ZDHHC11B: variants seen among roughly 807,000 people sequenced by gnomAD.
ZDHHC11B encodes the protein zDHHC palmitoyltransferase 11B (putative).
Under a neutral mutation model 42.3 loss-of-function variants are expected in ZDHHC11B, and 17 were observed. That is an observed-to-expected ratio of 0.40 (90% CI 0.27 to 0.60). The LOEUF is 0.60. Ranked by LOEUF, ZDHHC11B falls within the 20% of genes least tolerant of loss-of-function variation. The pLI is 0.41. For synonymous variants in ZDHHC11B, 123 were observed against 193.5 expected (o/e 0.64, Z 3.02); for missense variants, 262 against 463.2 (o/e 0.57, Z 3.99).
intron 1 of ZDHHC11B, among the ~76,000 whole-genome samples, chr5:773,833 C>T (rs1288335663): frequency 6.6e-6 from 1 of 151,816 alleles, no homozygotes; most frequent in Non-Finnish European, 1.5e-5. Context: ...CTCCCACACA[C>T]CTGCAGCACC....
In ZDHHC11B at chr5:775,637, A is replaced by G. The variant is rs1365619971; in HGVS notation, c.-229-6707T>C. Among the ~76,000 whole-genome samples the G allele has an allele frequency of 4.0e-5, 6 of 151,042 alleles. 1 individual carries two copies. The highest frequency in any genetic ancestry group is 4.2e-4 in the South Asian group (2 of 4,796). ...GAGAACTCCCTGTTCAGGGATGACA[A>G]TGGGTTCCCTGGTGATTTGGAGGCC... is the stretch of plus-strand genomic sequence containing the variant. On this transcript the variant is annotated intron_variant, in intron 1 of 13. Transcript: ENST00000508859.
intron 4 of ZDHHC11B, among the ~76,000 whole-genome samples, chr5:756,868 C>A (rs1354662185): frequency 1.4e-4 from 21 of 151,664 alleles, no homozygotes; most frequent in African/African-American, 5.1e-4. Flanking sequence ...CCCCTAGACT[C>A]ATTCAGGGAC....
chr5:776,347 T>C (rs1398832920), intron 1 of ZDHHC11B, among the ~76,000 whole-genome samples: 3 of 151,820 alleles, frequency 2.0e-5, no homozygotes, highest in Admixed American at 2.0e-4. Context: ...CAGTGCTCCA[T>C]CATGACCTGG....
In ZDHHC11B at chr5:733,883, G is replaced by T. The variant is rs4247710; in HGVS notation, c.936-44C>A. The T allele has an allele frequency of 2.2e-5, 34 of 1,520,290 alleles. 2 individuals carry two copies. The highest frequency in any genetic ancestry group is 9.6e-5 in the East Asian group (4 of 41,874). The allele number at this position is 1,520,290 out of a possible 1,614,324, so 94.2% of individuals were successfully genotyped here. Reference sequence around the variant, plus strand: ...GGAGAGAAACTCATCTCAGCTTTGTGGGGGGGCTCAGGGTGGCACTGGAGG... The same window carrying T: ...GGAGAGAAACTCATCTCAGCTTTGTTGGGGGGCTCAGGGTGGCACTGGAGG... On this transcript the variant is annotated intron_variant, in intron 10 of 13. Transcript: ENST00000508859.
At chr5:730,608 G>C in intron 11 of ZDHHC11B, 140 bp from the exon 12 acceptor site, 1 of 957,530 alleles carries the variant, frequency 1.0e-6, no homozygotes, top group Non-Finnish European at 1.5e-6. Flanking sequence ...CATGGAATAG[G>C]ATCTCAGTGG....
chr5:765,584 G>C (rs560111327), intron 4 of ZDHHC11B, among the ~76,000 whole-genome samples: 1 of 151,928 alleles, frequency 6.6e-6, no homozygotes, highest in East Asian at 1.9e-4. Flanking sequence ...GGCTGCTCAA[G>C]CCAGTAGCAG....
intron 12 of ZDHHC11B, among the ~76,000 whole-genome samples, chr5:722,689 A>G (rs958300054): frequency 6.6e-6 from 1 of 151,714 alleles, no homozygotes; most frequent in Admixed American, 6.6e-5. Context: ...CCTGTACAAC[A>G]GGAGATCTGT....
At chr5:717,289 C>T (rs568374258) in intron 12 of ZDHHC11B, among the ~76,000 whole-genome samples, 2 of 151,040 alleles carry the variant, frequency 1.3e-5, no homozygotes, top group Non-Finnish European at 2.9e-5. Flanking sequence ...TGTTTTTATA[C>T]CCACATCTTG....
At chr5:773,801 C>T (rs534609632) in intron 1 of ZDHHC11B, among the ~76,000 whole-genome samples, 62 of 151,758 alleles carry the variant, frequency 4.1e-4, no homozygotes, top group African/African-American at 1.4e-3. Flanking sequence ...CCAGGACCTG[C>T]TTGGAGACTG....
intron 1 of ZDHHC11B, among the ~76,000 whole-genome samples, chr5:778,131 G>C (rs1252092788): frequency 6.6e-6 from 1 of 151,902 alleles, no homozygotes; most frequent in Non-Finnish European, 1.5e-5. Context: ...GGTCTGAGAT[G>C]GCTGTCCAAG....
In ZDHHC11B at chr5:766,768, C is replaced by G; in HGVS notation, c.152G>C (p.Gly51Ala). 6.2e-7 allele frequency: 1 copy of G among 1,612,488 alleles called. No homozygotes were observed. Among genetic ancestry groups the G allele is most frequent in the Non-Finnish European group, 8.5e-7 (1 of 1,179,192 alleles). Reference protein sequence around the residue: ...FRVVTWAVFVGLSLATFRIFI... With the variant: ...FRVVTWAVFVALSLATFRIFI... ...GATCCTGAAGGTGGCCAAGGAAAGG[C>G]CAACGAAGACAGCCCAAGTCACCAC... The change falls in exon 4 of 14, where the codon GGC (glycine) becomes GCC (alanine). Residue 51 changes from glycine (G) to alanine (A), a missense_variant. Coordinates refer to ENST00000508859, the MANE Select transcript of ZDHHC11B (RefSeq NM_001351303.2).
At chr5:720,271 C>G (rs529725868) in intron 12 of ZDHHC11B, among the ~76,000 whole-genome samples, 11 of 151,860 alleles carry the variant, frequency 7.2e-5, no homozygotes, top group African/African-American at 2.4e-4. Flanking sequence ...TGAAGGCAGG[C>G]AGAGAGAAGT....
chr5:751,909 G>C (rs1292145823), intron 6 of ZDHHC11B, among the ~76,000 whole-genome samples: 5 of 119,182 alleles, frequency 4.2e-5, no homozygotes, highest in African/African-American at 1.1e-4. Flanking sequence ...CCCTTTTCAC[G>C]AGTGGGGAAA....
intron 1 of ZDHHC11B, among the ~76,000 whole-genome samples, chr5:775,787 C>T (rs1736424182): frequency 6.6e-6 from 1 of 151,722 alleles, no homozygotes; most frequent in Non-Finnish European, 1.5e-5. Context: ...CCAACCCCTT[C>T]CTTCCATGCC....
intron 12 of ZDHHC11B, among the ~76,000 whole-genome samples, chr5:720,015 G>C (rs961331895): frequency 4.0e-5 from 6 of 151,734 alleles, no homozygotes; most frequent in Non-Finnish European, 8.8e-5. Flanking sequence ...GTGTATACAG[G>C]GTTTGGTACT....
At chr5:756,379 C>T (rs1252077149) in intron 4 of ZDHHC11B, among the ~76,000 whole-genome samples, 1 of 151,710 alleles carries the variant, frequency 6.6e-6, no homozygotes, top group African/African-American at 2.4e-5. Context: ...CTCACCCAGC[C>T]CCGTCCACTC....
intron 4 of ZDHHC11B, among the ~76,000 whole-genome samples, chr5:765,447 G>A (rs1439924911): frequency 6.6e-6 from 1 of 151,910 alleles, no homozygotes; most frequent in Admixed American, 6.6e-5. Flanking sequence ...CTTAGGGGTT[G>A]TAAACACACC....
intron 11 of ZDHHC11B, among the ~76,000 whole-genome samples, chr5:731,802 G>A (rs1401113653): frequency 3.3e-5 from 5 of 151,844 alleles, no homozygotes; most frequent in Non-Finnish European, 7.4e-5. Flanking sequence ...TAGGATTTTT[G>A]TAGGAATGTT....
intron 9 of ZDHHC11B, among the ~76,000 whole-genome samples, chr5:743,458 G>A (rs1264287746): frequency 1.4e-5 from 2 of 147,762 alleles, no homozygotes; most frequent in African/African-American, 5.0e-5. Flanking sequence ...GAAGCCTGCT[G>A]GGGTTCAGCA....
Sources: allele counts gnomAD v4.1 joint callset (sites outside exome capture counted in the v4.1 genomes callset), GRCh38; gene constraint gnomAD v4.1.1; transcripts MANE v1.5; gene names NCBI Gene and HGNC (gene_info 2026-07-23, HGNC 2026-07-21).